The following MYRF variants were observed in gnomAD, a reference collection of about 807,000 sequenced individuals.
MYRF encodes myelin gene regulatory factor.
A neutral mutation model predicts 126.3 loss-of-function variants in MYRF; 16 were observed. That is an observed-to-expected ratio of 0.13 (90% confidence interval 0.09 to 0.19). MYRF has a LOEUF of 0.19. MYRF is among the 10% of genes least tolerant of loss of function. MYRF has a pLI of 1.00. For missense variants in MYRF, 1,104 were observed against 1,547.0 expected (o/e 0.71, Z 4.80); for synonymous variants, 608 against 635.3 (o/e 0.96, Z 0.65).
chr11:61,761,258 G>T (rs1374497434), intron 1 of MYRF, among the ~76,000 whole-genome samples: 2 of 141,448 alleles, frequency 1.4e-5, no homozygotes, highest in South Asian at 2.3e-4. Flanking sequence ...GCCACAGCTG[G>T]TGGGGGGGGG....
At chr11:61,766,596 C>T (rs1314387413) in intron 3 of MYRF, 1 of 254,538 alleles carries the variant, frequency 3.9e-6, no homozygotes, top group Non-Finnish European at 7.6e-6. Flanking sequence ...CTTACGCATC[C>T]AGCTGACGTG....
rs139124174 is a variant in MYRF, at chr11:61,770,486, C to A, written c.701C>A (p.Ser234Tyr). Residue 234 changes from serine to tyrosine, a missense_variant, in exon 5 of 27, where the codon TCC becomes TAC. By Grantham distance (144) the Ser-to-Tyr change is moderately radical (BLOSUM62 -2). Coordinates refer to ENST00000278836, the MANE Select transcript of MYRF (RefSeq NM_001127392.3). ...ACTGATCTTCACCACACCCAGCAGT[C>A]CCAGATGCTGCACCAGCTCCTGCAG... ...VPTDLHHTQQ[S>Y]QMLHQLLQQH... is the part of the protein sequence containing the mutation. 2 of 1,565,354 alleles carry A rather than the reference C, an allele frequency of 1.3e-6. No individual in the cohort carries two copies. The highest frequency in any genetic ancestry group is 1.7e-6 in the Non-Finnish European group (2 of 1,154,852).
In MYRF at chr11:61,773,979, C is replaced by T. The variant is rs766952621; in HGVS notation, c.1128C>T (p.Thr376=). 1.2e-6 allele frequency: 2 copies of T among 1,612,042 alleles called. No individual in the cohort carries two copies. The highest frequency in any genetic ancestry group is 1.7e-5 in the Admixed American group (1 of 59,928). ...CCCGCCCCCCCAGGCCCATGCTCAC[C>T]TACCGCGTGGATGCGGACAAGGGCT... The part of the protein sequence containing the change: ...DANYKELPML[T]YRVDADKGFN... The change falls in exon 8 of 27, where the codon ACC becomes ACT. Residue 376 remains threonine (T), a synonymous_variant. Transcript: ENST00000278836.
At chr11:61,774,287 G>C in intron 8 of MYRF, 125 bp downstream of exon 8, 1 of 865,434 alleles carries the variant, frequency 1.2e-6, no homozygotes, top group Non-Finnish European at 1.7e-6. Flanking sequence ...CACTTTGGGA[G>C]TCAGGCAGAT....
chr11:61,761,206 C>T (rs2065885983), intron 1 of MYRF, among the ~76,000 whole-genome samples: 1 of 151,986 alleles, frequency 6.6e-6, no homozygotes, highest in South Asian at 2.1e-4. Flanking sequence ...GTGTCCCCAC[C>T]CTCCCCCGTT....
chr11:61,772,728 C>G (rs2066262620), intron 7 of MYRF, among the ~76,000 whole-genome samples: 1 of 152,226 alleles, frequency 6.6e-6, no homozygotes, highest in Non-Finnish European at 1.5e-5. Flanking sequence ...ACCCCAGGCC[C>G]CAAGGCCAGG....
At chr11:61,755,610 C>A in intron 1 of MYRF, 1 of 848,924 alleles carries the variant, frequency 1.2e-6, no homozygotes, top group Non-Finnish European at 2.0e-6. Flanking sequence ...AGAGCTCTTG[C>A]CCTCTTTAAG....
chr11:61,763,923 A>C (rs376376534), intron 1 of MYRF, among the ~76,000 whole-genome samples: 3 of 152,382 alleles, frequency 2.0e-5, no homozygotes, highest in East Asian at 3.9e-4. Flanking sequence ...TTGATTCACA[A>C]AATGCCTGGC....
intron 1 of MYRF, 85 bp downstream of exon 1, chr11:61,752,875 T>G: frequency 7.7e-7 from 1 of 1,293,864 alleles, no homozygotes; most frequent in South Asian, 1.5e-5. Context: ...CTCCTCGCTG[T>G]GTTTCCGCCT....
rs565403538 is a variant in MYRF at position 61,780,416 on chromosome 11, G to T, written c.2405+126G>T. On this transcript the variant is annotated intron_variant, in intron 18 of 26. Transcript: ENST00000278836. ...ATCCTTAGCCTCTTAGCCTGCTGGG[G>T]TGCTGTGGGGATCCAGGGAGGGCCT... 1.3e-5 allele frequency: 11 copies of T among 855,024 alleles called. No individual in the cohort carries two copies. In the African/African-American group the frequency reaches 1.4e-4, roughly 11 times the overall value. The allele number at this position is 855,024 out of a possible 1,614,324, so 53.0% of individuals were successfully genotyped here.
chr11:61,780,724 G>T lies in MYRF; in HGVS notation c.2418G>T (p.Val806=). 6.5e-7 allele frequency: 1 copy of T among 1,549,746 alleles called. No homozygotes were observed. ...TGCTGCCCCTTAGCTCTTTTGCCGT[G>T]TCCACTTCCTGTCTCCTGGCCCTGC... The part of the protein sequence containing the change: ...DLVDTDGSFA[V]STSCLLALLR... Residue 806 remains valine, a synonymous_variant, in exon 19 of 27, where the codon GTG becomes GTT. Transcript: ENST00000278836.
intron 1 of MYRF, among the ~76,000 whole-genome samples, chr11:61,760,402 G>A (rs1460724846): frequency 1.3e-5 from 2 of 152,196 alleles, no homozygotes; most frequent in East Asian, 1.9e-4. Context: ...GGGAGGGGCT[G>A]CCAGGGCAGG....
intron 1 of MYRF, among the ~76,000 whole-genome samples, chr11:61,764,655 TC>T (rs1479215993): frequency 6.6e-6 from 1 of 152,104 alleles, no homozygotes; most frequent in Non-Finnish European, 1.5e-5. Flanking sequence ...TTGACGCATC[TC>T]CCACGTCAGC....
chr11:61,775,446 T>C (rs1565296896), intron 8 of MYRF, among the ~76,000 whole-genome samples: 1 of 151,960 alleles, frequency 6.6e-6, no homozygotes. Flanking sequence ...TAAGACCCAT[T>C]GGGAGGCACC....
rs1052383055 is a variant in MYRF, at chr11:61,773,988, G to A, written c.1137G>A (p.Val379=). ...CCAGGCCCATGCTCACCTACCGCGT[G>A]GATGCGGACAAGGGCTTCAACTTTT... The part of the protein sequence containing the change: ...YKELPMLTYR[V]DADKGFNFSV... Residue 379 remains valine (V), a synonymous_variant, in exon 8 of 27, where the codon GTG becomes GTA. Transcript: ENST00000278836. 4 of 1,612,618 alleles carry A rather than the reference G, an allele frequency of 2.5e-6. No individual in the cohort carries two copies. The African/African-American group carries it at 5.3e-5, about 22-fold the overall frequency.
In MYRF at chr11:61,781,839, C is replaced by A. The variant is rs2066560988; in HGVS notation, c.3016+15C>A. ...GGGCCAGTCAGGTACTTGCTGCACC[C>A]CTGACACTACCCAGCCCAGCCTGGC... On this transcript the variant is annotated intron_variant, in intron 22 of 26. Coordinates refer to ENST00000278836, the MANE Select transcript of MYRF (RefSeq NM_001127392.3). 1 of 1,523,044 alleles carries A rather than the reference C, an allele frequency of 6.6e-7. No homozygotes were observed. Among genetic ancestry groups the A allele is most frequent in the East Asian group, 2.3e-5 (1 of 44,128 alleles). The allele number at this position is 1,523,044 out of a possible 1,614,324, so 94.3% of individuals were successfully genotyped here. A position where few individuals can be genotyped will look rare whatever the true frequency, so the allele number is the denominator to read the frequency against.
chr11:61,764,519 A>G (rs55903902), intron 1 of MYRF, among the ~76,000 whole-genome samples: 29,616 of 152,088 alleles, frequency 0.19, 3,307 homozygotes, highest in Admixed American at 0.29. Context: ...GACCTGTCTG[A>G]GCTCAACAGG....
At chr11:61,779,654 C>A in intron 16 of MYRF, 84 bp downstream of exon 16, 1 of 1,322,236 alleles carries the variant, frequency 7.6e-7, no homozygotes, top group Non-Finnish European at 1.0e-6. Flanking sequence ...TCTCCAGCCT[C>A]ACTGCCTCTG....
Position 61,781,564 on chromosome 11 carries a change from T to C in MYRF, c.2765-9T>C. On this transcript the variant is annotated splice_polypyrimidine_tract_variant and intron_variant, in intron 21 of 26. Transcript: ENST00000278836. ...CAGCTTCTTAGCCTGTGCCTGGTTC[T>C]ATCCACAGGCCCCAGCCAGATGGCC... The C allele has an allele frequency of 2.5e-6, 4 of 1,612,096 alleles. No homozygotes were observed. Among genetic ancestry groups the C allele is most frequent in the Non-Finnish European group, 3.4e-6 (4 of 1,179,278 alleles).
Sources: allele counts gnomAD v4.1 joint callset (sites outside exome capture counted in the v4.1 genomes callset), GRCh38; gene constraint gnomAD v4.1.1; transcripts MANE v1.5; gene names NCBI Gene and HGNC (gene_info 2026-07-23, HGNC 2026-07-21).